RIMBP2: variants seen among roughly 807,000 people sequenced by gnomAD.
RIMBP2 encodes the protein RIMS binding protein 2.
A neutral mutation model predicts 118.6 loss-of-function variants in RIMBP2; 48 were observed. That is an observed-to-expected ratio of 0.40 (90% CI 0.32 to 0.51). The LOEUF (loss-of-function observed/expected upper bound fraction) is 0.51, where lower values mean the gene tolerates loss of function less well. Ranked by LOEUF, RIMBP2 falls within the 20% of genes least tolerant of loss-of-function variation. The pLI is 0.41. For synonymous variants in RIMBP2, 762 were observed against 742.9 expected, an observed-to-expected ratio of 1.03 and a Z score of -0.42; for missense variants, 1,551 against 1,768.3, an observed-to-expected ratio of 0.88 and a Z score of 2.20.
At chr12:130,470,440 G>C (rs1410749618) in intron 6 of RIMBP2, 10 of 364,636 alleles carry the variant, frequency 2.7e-5, no homozygotes, top group Non-Finnish European at 4.4e-5. Context: ...CACAGTTCTG[G>C]GTCTGGATGT....
intron 2 of RIMBP2, among the ~76,000 whole-genome samples, chr12:130,550,221 T>C (rs2055616077): frequency 6.6e-6 from 1 of 152,206 alleles, no homozygotes; most frequent in Non-Finnish European, 1.5e-5. Context: ...GTGGCTTTTG[T>C]ATGCTGCTCA....
chr12:130,590,917 G>A (rs1465093332), intron 2 of RIMBP2, among the ~76,000 whole-genome samples: 3 of 152,166 alleles, frequency 2.0e-5, no homozygotes, highest in South Asian at 2.1e-4. Flanking sequence ...GTGAGGAAGC[G>A]GATTGTCGCC....
chr12:130,399,218 G>GAA, intron 22 of RIMBP2: 1 of 1,020,378 alleles, frequency 9.8e-7, no homozygotes, highest in Non-Finnish European at 1.3e-6. Context: ...ATATAATATA[G>GAA]AAAAACTTGC....
intron 2 of RIMBP2, among the ~76,000 whole-genome samples, chr12:130,527,731 TAAAC>T (rs1004364082): frequency 1.4e-5 from 2 of 140,890 alleles, no homozygotes; most frequent in African/African-American, 5.3e-5. Context: ...ACAAGGAACT[TAAAC>T]AGACTTACAA....
At chr12:130,439,158 T>TGTAAATGTG (rs1423735641) in intron 11 of RIMBP2, among the ~76,000 whole-genome samples, 21 of 151,394 alleles carry the variant, frequency 1.4e-4, no homozygotes, top group Non-Finnish European at 2.7e-4. Context: ...TGTATGTGTG[T>TGTAAATGTG]GTAAATGTGT....
In RIMBP2 at chr12:130,523,375, A is replaced by T. The variant is rs2052386833; in HGVS notation, c.-216-5458T>A. On this transcript the variant is annotated intron_variant, in intron 2 of 22. Transcript: ENST00000690449. This position sits in a 1 kb window ranked among gnomAD's most constrained non-coding sequence, Gnocchi z 4.4. ...AGCCTCCAGGACTGAGAGAGAGGAG[A>T]GCTCTGTCATTTAAGCTGCCCGGTC... Among the ~76,000 whole-genome samples the T allele has an allele frequency of 6.6e-6, 1 of 152,046 alleles. No homozygotes were observed. The highest frequency in any genetic ancestry group is 6.6e-5 in the Admixed American group (1 of 15,256).
At chr12:130,630,360 A>T (rs2061919691) in intron 1 of RIMBP2, among the ~76,000 whole-genome samples, 1 of 151,860 alleles carries the variant, frequency 6.6e-6, no homozygotes, top group Non-Finnish European at 1.5e-5. Flanking sequence ...AAAGCATGCT[A>T]CACATAAACT....
chr12:130,648,908 G>A lies in RIMBP2; in HGVS notation c.-351-20452C>T, dbSNP rs977431741. Reference sequence around the variant, plus strand: ...TGACCTCAGGTGATCTGCCCGCCTCGGCCTCCCAAAGTGCTGGGATTCCAG... The same window carrying A: ...TGACCTCAGGTGATCTGCCCGCCTCAGCCTCCCAAAGTGCTGGGATTCCAG... On this transcript the variant is annotated intron_variant, in intron 1 of 22. Coordinates refer to ENST00000690449, the MANE Select transcript of RIMBP2 (RefSeq NM_001393629.1). Among the ~76,000 whole-genome samples the A allele has an allele frequency of 4.8e-5, 7 of 145,546 alleles. 1 individual carries two copies. The highest frequency in any genetic ancestry group is 9.8e-5 in the African/African-American group (4 of 40,672).
At chr12:130,474,670 G>A (rs1323978024) in intron 5 of RIMBP2, among the ~76,000 whole-genome samples, 1 of 152,214 alleles carries the variant, frequency 6.6e-6, no homozygotes, top group East Asian at 1.9e-4. Context: ...AGGCATTGTC[G>A]ATAAGGGTCC....
chr12:130,576,787 G>C lies in RIMBP2; in HGVS notation c.-217+51535C>G, dbSNP rs1467538137. On this transcript the variant is annotated intron_variant, in intron 2 of 22. Coordinates refer to ENST00000690449, the MANE Select transcript of RIMBP2 (RefSeq NM_001393629.1). The surrounding 1 kb of genome is among the most constrained non-coding windows in gnomAD (Gnocchi z 4.2). Reference sequence around the variant, plus strand: ...CAAACACAAGCTCCGAGTCCTAAACGAATCACACCAGGATGGAGATTGCAG... The same window carrying C: ...CAAACACAAGCTCCGAGTCCTAAACCAATCACACCAGGATGGAGATTGCAG... 6.6e-6 allele frequency among the ~76,000 whole-genome samples: 1 copy of C among 152,228 alleles called. No individual in the cohort carries two copies.
intron 4 of RIMBP2, among the ~76,000 whole-genome samples, chr12:130,488,250 G>C (rs1345886421): frequency 6.6e-6 from 1 of 152,102 alleles, no homozygotes; most frequent in Non-Finnish European, 1.5e-5. Context: ...GGCGGAGTTA[G>C]TCACGCAGCT....
At chr12:130,531,285 TGAA>T (rs2053349064) in intron 2 of RIMBP2, among the ~76,000 whole-genome samples, 1 of 152,200 alleles carries the variant, frequency 6.6e-6, no homozygotes, top group Non-Finnish European at 1.5e-5. Context: ...ATGACCCAGA[TGAA>T]GAAGTAGGAC....
Position 130,442,688 on chromosome 12 carries a change from C to T in RIMBP2, c.692-28G>A, listed in dbSNP as rs376196763. 11 of 1,591,704 alleles carry T rather than the reference C, an allele frequency of 6.9e-6. No individual in the cohort carries two copies. The highest frequency in any genetic ancestry group is 2.3e-5 in the South Asian group (2 of 87,756). ...GTTGGGTACAAGGACAGAGTTATCA[C>T]CCAGCCAACACAGCAGGGGCCTCGA... On this transcript the variant is annotated intron_variant, in intron 10 of 22. Coordinates refer to ENST00000690449, the MANE Select transcript of RIMBP2 (RefSeq NM_001393629.1). This position sits in a 1 kb window ranked among gnomAD's most constrained non-coding sequence, Gnocchi z 6.9.
At chr12:130,458,741 T>C (rs2079681549) in intron 6 of RIMBP2, among the ~76,000 whole-genome samples, 2 of 150,816 alleles carry the variant, frequency 1.3e-5, no homozygotes, top group African/African-American at 4.9e-5. Context: ...GTCGTGTCTA[T>C]GAAAATGACC....
chr12:130,445,731 T>C (rs1044425073), intron 9 of RIMBP2, among the ~76,000 whole-genome samples: 4 of 152,210 alleles, frequency 2.6e-5, no homozygotes, highest in Admixed American at 6.5e-5. Context: ...TCTTGAAATA[T>C]TATCATCATA....
intron 1 of RIMBP2, among the ~76,000 whole-genome samples, chr12:130,707,476 C>T (rs1160395791): frequency 6.6e-6 from 1 of 152,158 alleles, no homozygotes; most frequent in Non-Finnish European, 1.5e-5. Flanking sequence ...GACCTTTGAG[C>T]AGAGCCCTGA....
intron 1 of RIMBP2, among the ~76,000 whole-genome samples, chr12:130,685,875 C>A (rs1404698688): frequency 6.6e-6 from 1 of 152,178 alleles, no homozygotes; most frequent in Non-Finnish European, 1.5e-5. Flanking sequence ...TGGACCAGAA[C>A]AAAATGCGCA....
At chr12:130,495,586 T>C (rs2049070090) in intron 4 of RIMBP2, among the ~76,000 whole-genome samples, 1 of 152,178 alleles carries the variant, frequency 6.6e-6, no homozygotes, top group Non-Finnish European at 1.5e-5. Context: ...CAGTAGAAGG[T>C]AAGTTTCATG....
At chr12:130,678,195 T>G (rs2064591565) in intron 1 of RIMBP2, among the ~76,000 whole-genome samples, 1 of 152,188 alleles carries the variant, frequency 6.6e-6, no homozygotes. Flanking sequence ...ACAGGCCTCC[T>G]GAGAGCAGAG....
Sources: gnomAD v4.1 joint callset for allele counts (sites outside exome capture counted in the v4.1 genomes callset) on GRCh38, gnomAD v4.1.1 for gene constraint, Gnocchi (gnomAD v3.1) non-coding constraint, MANE v1.5 for transcripts, NCBI Gene and HGNC (gene_info 2026-07-23, HGNC 2026-07-21) for gene names.